Variants in BCAS3 observed in about 807,000 individuals in gnomAD.
BCAS3 encodes the protein BCAS3 microtubule associated cell migration factor, also known as BCAS4/BCAS3 fusion.
Under a neutral mutation model 116.1 loss-of-function variants are expected in BCAS3, and 53 were observed. The ratio of observed to expected loss-of-function variants is 0.46; its 90% confidence interval spans 0.37 to 0.57. BCAS3 has a LOEUF of 0.57. BCAS3 is among the 20% of genes least tolerant of loss of function. The pLI, the probability that BCAS3 is intolerant of heterozygous loss-of-function variation, is 0.00. For missense variants in BCAS3, 917 were observed against 1,165.4 expected, an observed-to-expected ratio of 0.79 and a Z score of 3.10; for synonymous variants, 391 against 408.2, an observed-to-expected ratio of 0.96 and a Z score of 0.51.
At chr17:60,725,221 G>A (rs191615003) in intron 5 of BCAS3, among the ~76,000 whole-genome samples, 30 of 152,240 alleles carry the variant, frequency 2.0e-4, no homozygotes, top group Non-Finnish European at 4.1e-4. Context: ...CCATAGATGT[G>A]TAGTAATTCT....
chr17:61,118,370 A>G lies in BCAS3; in HGVS notation c.2425+33806A>G, dbSNP rs1319006599. On this transcript the variant is annotated intron_variant, in intron 22 of 23. Coordinates refer to ENST00000407086, the MANE Select transcript of BCAS3 (RefSeq NM_017679.5). The surrounding 1 kb of genome is among the most constrained non-coding windows in gnomAD (Gnocchi z 5.0). ...AGGGATTCTCCCCTAGACCTCTTTC[A>G]TAAGCACCCCAGTGGAGAGAAGGAG... Among the ~76,000 whole-genome samples the G allele has an allele frequency of 6.6e-6, 1 of 152,228 alleles. No homozygotes were observed. Among genetic ancestry groups the G allele is most frequent in the African/African-American group, 2.4e-5 (1 of 41,466 alleles).
chr17:61,256,594 G>A lies in BCAS3; in HGVS notation c.2426-111733G>A, dbSNP rs1048439975. Reference sequence around the variant, plus strand: ...GCTGGGATTACAGGCGTGAGCCACCGCGCCTGGCCGTTTGGTTTTGTTTAG... The same window carrying A: ...GCTGGGATTACAGGCGTGAGCCACCACGCCTGGCCGTTTGGTTTTGTTTAG... On this transcript the variant is annotated intron_variant, in intron 22 of 23. Coordinates refer to ENST00000407086, the MANE Select transcript of BCAS3 (RefSeq NM_017679.5). The surrounding 1 kb of genome is among the most constrained non-coding windows in gnomAD (Gnocchi z 5.6). Among the ~76,000 whole-genome samples the A allele has an allele frequency of 2.6e-5, 4 of 152,114 alleles. No homozygotes were observed. The highest frequency in any genetic ancestry group is 7.2e-5 in the African/African-American group (3 of 41,418).
intron 14 of BCAS3, among the ~76,000 whole-genome samples, chr17:60,949,707 A>G (rs1392438595): frequency 1.3e-5 from 2 of 152,220 alleles, no homozygotes; most frequent in Non-Finnish European, 2.9e-5. Context: ...TGTGTTGGGA[A>G]CATTCTAAAT....
rs2077074527 is a variant in BCAS3, at chr17:61,144,171, A to G, written c.2425+59607A>G. Among the ~76,000 whole-genome samples the G allele has an allele frequency of 6.6e-6, 1 of 152,064 alleles. No homozygotes were observed. The highest frequency in any genetic ancestry group is 1.5e-5 in the Non-Finnish European group (1 of 68,000). On this transcript the variant is annotated intron_variant, in intron 22 of 23. Transcript: ENST00000407086. The surrounding 1 kb of genome is among the most constrained non-coding windows in gnomAD (Gnocchi z 5.0). ...TTTTGCCACTGGTAAACTCCTGCCT[A>G]GAGGAATGCCAGAGGCAGAATAAAT...
rs1024828639 is a variant in BCAS3 at position 61,366,000 on chromosome 17, A to G, written c.2426-2327A>G. Among the ~76,000 whole-genome samples the G allele has an allele frequency of 2.0e-5, 3 of 152,092 alleles. No individual in the cohort carries two copies. Among genetic ancestry groups the G allele is most frequent in the African/African-American group, 7.2e-5 (3 of 41,416 alleles). ...TCTACTAAAAACACAAAAATTAGCC[A>G]GGCATGATGGCACATGCTTGTAGTC... On this transcript the variant is annotated intron_variant, in intron 22 of 23. Transcript: ENST00000407086. This position sits in a 1 kb window ranked among gnomAD's most constrained non-coding sequence, Gnocchi z 4.6.
At position 61,331,038 on chromosome 17, in the gene BCAS3, G is replaced by GA. The variant is rs557514668; in HGVS notation, c.2426-37285dup. Among the ~76,000 whole-genome samples, 26 of 152,324 alleles carry GA rather than the reference G, an allele frequency of 1.7e-4. 1 individual carries two copies. The South Asian group carries it at 5.2e-3, about 30-fold the overall frequency. On this transcript the variant is annotated intron_variant, in intron 22 of 23. Coordinates refer to ENST00000407086, the MANE Select transcript of BCAS3 (RefSeq NM_017679.5). ...TGTTGAACAAATGCAACTCCTTGTT[G>GA]AAAACTACTATAGGTGCTTTCCGTA...
At chr17:60,789,726 T>C (rs2046593230) in intron 6 of BCAS3, among the ~76,000 whole-genome samples, 1 of 152,116 alleles carries the variant, frequency 6.6e-6, no homozygotes, top group Non-Finnish European at 1.5e-5. Flanking sequence ...GTTAATCCAC[T>C]GCAATTTGGA....
chr17:60,899,470 T>C (rs1207955041), intron 10 of BCAS3, among the ~76,000 whole-genome samples: 1 of 152,046 alleles, frequency 6.6e-6, no homozygotes, highest in Non-Finnish European at 1.5e-5. Context: ...TGAGCCCAGA[T>C]CACACCCTAG....
chr17:61,219,628 A>G lies in BCAS3; in HGVS notation c.2425+135064A>G, dbSNP rs1433537021. The stretch of plus-strand genomic sequence containing the variant: ...TGCTGACAACATCAGAAGTGTTTTA[A>G]CAGGGTTTTAATGGGCAGCCTCTGT... On this transcript the variant is annotated intron_variant, in intron 22 of 23. Transcript: ENST00000407086. This position sits in a 1 kb window ranked among gnomAD's most constrained non-coding sequence, Gnocchi z 5.2. 1.3e-5 allele frequency among the ~76,000 whole-genome samples: 2 copies of G among 152,178 alleles called. No homozygotes were observed. Among genetic ancestry groups the G allele is most frequent in the African/African-American group, 4.8e-5 (2 of 41,446 alleles).
chr17:61,112,915 A>C (rs2075188261), intron 22 of BCAS3, among the ~76,000 whole-genome samples: 1 of 150,160 alleles, frequency 6.7e-6, no homozygotes, highest in African/African-American at 2.4e-5. Flanking sequence ...ATCAAACTAG[A>C]ACTCAGGATT....
At chr17:61,194,317 T>C (rs1162890715) in intron 22 of BCAS3, among the ~76,000 whole-genome samples, 1 of 152,186 alleles carries the variant, frequency 6.6e-6, no homozygotes, top group Non-Finnish European at 1.5e-5. Context: ...GACTTTGTCA[T>C]TGGTTAACCC....
intron 15 of BCAS3, among the ~76,000 whole-genome samples, chr17:60,992,139 C>G (rs16944722): frequency 0.069 from 10,428 of 150,670 alleles, 1,094 homozygotes; most frequent in African/African-American, 0.23. Flanking sequence ...TAATTTGTTT[C>G]AGCTTCTGTA....
At position 61,248,225 on chromosome 17, in the gene BCAS3, T is replaced by A. The variant is rs1364580037; in HGVS notation, c.2426-120102T>A. Among the ~76,000 whole-genome samples, 1 of 152,212 alleles carries A rather than the reference T, an allele frequency of 6.6e-6. No individual in the cohort carries two copies. The highest frequency in any genetic ancestry group is 1.5e-5 in the Non-Finnish European group (1 of 68,042). ...TATCTCTTTTGTAGGTGGTACCCTA[T>A]TTGAGTCCTTCTGAAGACTGGAGCA... On this transcript the variant is annotated intron_variant, in intron 22 of 23. Coordinates refer to ENST00000407086, the MANE Select transcript of BCAS3 (RefSeq NM_017679.5). The surrounding 1 kb of genome is among the most constrained non-coding windows in gnomAD (Gnocchi z 4.3).
intron 22 of BCAS3, among the ~76,000 whole-genome samples, chr17:61,283,497 A>G (rs1050825163): frequency 1.5e-4 from 23 of 149,866 alleles, no homozygotes; most frequent in Non-Finnish European, 2.5e-4. Context: ...TCTGTCGCCC[A>G]GGCTAGAGTG....
chr17:61,284,246 G>T (rs528932965), intron 22 of BCAS3, among the ~76,000 whole-genome samples: 43 of 152,208 alleles, frequency 2.8e-4, no homozygotes, highest in African/African-American at 9.1e-4. Flanking sequence ...ACCAGCAGTC[G>T]CAAACCTGCT....
At position 61,381,225 on chromosome 17, in the gene BCAS3, G is replaced by A. The variant is rs187032849; in HGVS notation, c.2594-10752G>A. The stretch of plus-strand genomic sequence containing the variant: ...ATCGATATCTTAATACACCAAAGTG[G>A]AATTGCATTTCTAGATTTGTTATTC... On this transcript the variant is annotated intron_variant, in intron 23 of 23. Coordinates refer to ENST00000407086, the MANE Select transcript of BCAS3 (RefSeq NM_017679.5). The surrounding 1 kb of genome is among the most constrained non-coding windows in gnomAD (Gnocchi z 6.0). Among the ~76,000 whole-genome samples, 235 of 152,332 alleles carry A rather than the reference G, an allele frequency of 1.5e-3. No homozygotes were observed. The highest frequency in any genetic ancestry group is 3.4e-3 in the Middle Eastern group (1 of 294).
In BCAS3 at chr17:60,967,949, T is replaced by TTTGTTG. The variant is rs58004084; in HGVS notation, c.1221+20621_1221+20626dup. ...AATTTCTGAATTGCTTTTCTGTGTGTTTGTTGTTGTTGTTGTTGTTGTTGT... is the reference window on the plus strand; with the variant it reads ...AATTTCTGAATTGCTTTTCTGTGTGTTTGTTGTTGTTGTTGTTGTTGTTGTTGTTGT... On this transcript the variant is annotated intron_variant, in intron 14 of 23. Transcript: ENST00000407086. The surrounding 1 kb of genome is among the most constrained non-coding windows in gnomAD (Gnocchi z 4.7). Among the ~76,000 whole-genome samples the TTTGTTG allele has an allele frequency of 0.026, 3,895 of 151,356 alleles. 173 individuals carry two copies. Among genetic ancestry groups the TTTGTTG allele is most frequent in the African/African-American group, 0.088 (3,629 of 41,028 alleles).
chr17:61,060,129 T>A (rs2069836767), intron 19 of BCAS3, among the ~76,000 whole-genome samples: 1 of 151,942 alleles, frequency 6.6e-6, no homozygotes, highest in African/African-American at 2.4e-5. Flanking sequence ...TTTTATTATT[T>A]TTATTTTTAT....
intron 19 of BCAS3, among the ~76,000 whole-genome samples, chr17:61,058,615 A>G (rs938712568): frequency 3.3e-5 from 5 of 152,230 alleles, no homozygotes; most frequent in Non-Finnish European, 7.3e-5. Context: ...GTGTATGTAA[A>G]GTAGCACTTT....
Sources: gnomAD v4.1 joint callset for allele counts (sites outside exome capture counted in the v4.1 genomes callset) on GRCh38, gnomAD v4.1.1 for gene constraint, Gnocchi (gnomAD v3.1) non-coding constraint, MANE v1.5 for transcripts, NCBI Gene and HGNC (gene_info 2026-07-23, HGNC 2026-07-21) for gene names.